RGMA: variants seen among roughly 807,000 people sequenced by gnomAD.
The protein encoded by RGMA is repulsive guidance molecule BMP co-receptor a, also known as repulsive guidance molecule A.
RGMA carries 10 observed loss-of-function variants against 23.2 expected under a neutral mutation model. The observed-to-expected ratio is 0.43, with a 90% CI of 0.27 to 0.73. The LOEUF (loss-of-function observed/expected upper bound fraction) is 0.73, where lower values mean the gene tolerates loss of function less well. Ranked by LOEUF, RGMA falls within the 30% of genes least tolerant of loss-of-function variation. The pLI is 0.20. For missense variants in RGMA, 547 were observed against 630.5 expected (o/e 0.87, Z 1.42); for synonymous variants, 308 against 279.3 (o/e 1.10, Z -1.03).
At chr15:93,061,496 G>C (rs1894961649) in intron 2 of RGMA, among the ~76,000 whole-genome samples, 2 of 152,218 alleles carry the variant, frequency 1.3e-5, no homozygotes, top group Non-Finnish European at 1.5e-5. Flanking sequence ...CCAGGACCCT[G>C]TGCCCGGGAG....
intron 1 of RGMA, among the ~76,000 whole-genome samples, chr15:93,077,548 T>C (rs1321578345): frequency 6.6e-6 from 1 of 152,224 alleles, no homozygotes. Context: ...AAAATGGTGA[T>C]TGCAAGTGAC....
chr15:93,078,621 T>C lies in RGMA; in HGVS notation c.15-5590A>G, dbSNP rs536440374. Among the ~76,000 whole-genome samples the C allele has an allele frequency of 5.3e-5, 8 of 152,358 alleles. No homozygotes were observed. The East Asian group carries it at 1.5e-3, about 29-fold the overall frequency. On this transcript the variant is annotated intron_variant, in intron 1 of 3. Coordinates refer to ENST00000329082, the MANE Select transcript of RGMA (RefSeq NM_020211.3). Reference sequence around the variant, plus strand: ...TGATCATATCGCCTTTCTGGCTTCATCTTTCCACACTAAAACCCTTAAGGT... The same window carrying C: ...TGATCATATCGCCTTTCTGGCTTCACCTTTCCACACTAAAACCCTTAAGGT...
chr15:93,072,104 C>T (rs1365022712), intron 2 of RGMA, among the ~76,000 whole-genome samples: 1 of 152,022 alleles, frequency 6.6e-6, no homozygotes, highest in East Asian at 1.9e-4. Context: ...GCATGCCTCC[C>T]CCCTCCCCCC....
At chr15:93,054,764 T>C (rs533793938) in intron 2 of RGMA, among the ~76,000 whole-genome samples, 1 of 152,184 alleles carries the variant, frequency 6.6e-6, no homozygotes, top group Non-Finnish European at 1.5e-5. Flanking sequence ...GATGCCCCCA[T>C]GTAGTCTTCC....
At position 93,052,352 on chromosome 15, in the gene RGMA, C is replaced by T. The variant is rs1191351472; in HGVS notation, c.286G>A (p.Asp96Asn). 5.6e-6 allele frequency: 9 copies of T among 1,601,354 alleles called. No homozygotes were observed. In the African/African-American group the frequency reaches 6.7e-5, roughly 12 times the overall value. ...TGGACGGCCGAGTGGTAGGCCAGGT[C>T]ACCCCGGCAGGTGCGGGCCGTCCGC... ...TRRTARTCRG[D>N]LAYHSAVHGI... Residue 96 changes from aspartate (D) to asparagine (N), a missense_variant, in exon 3 of 4, where the codon GAC becomes AAC. Transcript: ENST00000329082.
chr15:93,080,624 C>G (rs746227717), intron 1 of RGMA, among the ~76,000 whole-genome samples: 9 of 152,222 alleles, frequency 5.9e-5, no homozygotes, highest in Non-Finnish European at 1.2e-4. Flanking sequence ...CAACGACTCC[C>G]TCTGTGCTCC....
At chr15:93,074,559 C>T (rs1163702334) in intron 1 of RGMA, among the ~76,000 whole-genome samples, 9 of 152,240 alleles carry the variant, frequency 5.9e-5, no homozygotes, top group East Asian at 1.9e-4. Flanking sequence ...CTCTTCTTTA[C>T]GAGGGGGTGT....
chr15:93,066,600 A>G (rs1895162269), intron 2 of RGMA: 1 of 456,550 alleles, frequency 2.2e-6, no homozygotes, highest in South Asian at 1.6e-5. Flanking sequence ...CACCCCGGGC[A>G]TCGTCGCCGT....
intron 1 of RGMA, among the ~76,000 whole-genome samples, chr15:93,075,693 CGGAAGAGGCCCCAGGCCATG>C (rs1450814528): frequency 1.3e-5 from 2 of 152,144 alleles, no homozygotes; most frequent in African/African-American, 2.4e-5. Context: ...GAATAGAACT[CGGAAGAGGCCCCAGGCCATG>C]GGAGTTCCAG....
At chr15:93,056,196 A>G (rs2055010290) in intron 2 of RGMA, among the ~76,000 whole-genome samples, 1 of 152,220 alleles carries the variant, frequency 6.6e-6, no homozygotes, top group Non-Finnish European at 1.5e-5. Context: ...CAACGGTCAC[A>G]GAAGCCAAGC....
intron 2 of RGMA, among the ~76,000 whole-genome samples, chr15:93,059,728 G>A (rs1328241330): frequency 2.6e-5 from 4 of 152,156 alleles, no homozygotes; most frequent in Non-Finnish European, 1.5e-5. Flanking sequence ...ACCAACTGCA[G>A]CCCCCCACCA....
chr15:93,073,049 A>AC lies in RGMA; in HGVS notation c.15-19_15-18insG. 6.7e-7 allele frequency: 1 copy of AC among 1,498,926 alleles called. No homozygotes were observed. The highest frequency in any genetic ancestry group is 1.2e-5 in the South Asian group (1 of 81,298). The allele number at this position is 1,498,926 out of a possible 1,614,324, so 92.9% of individuals were successfully genotyped here. A position where few individuals can be genotyped will look rare whatever the true frequency, so the allele number is the denominator to read the frequency against. The stretch of plus-strand genomic sequence containing the variant: ...GCCTCTCCCTGGAAGAAGAGTTCAG[A>AC]AAAAAAGAAGAAAATAAATCACGCT... On this transcript the variant is annotated intron_variant, in intron 1 of 3. Transcript: ENST00000329082.
chr15:93,050,670 C>CG, intron 3 of RGMA, among the ~76,000 whole-genome samples: 1 of 152,230 alleles, frequency 6.6e-6, no homozygotes, highest in Admixed American at 6.5e-5. Flanking sequence ...AAATCCTCCC[C>CG]GGTGCGTGGC....
Position 93,045,620 on chromosome 15 carries a change from A to G in RGMA, c.731T>C (p.Val244Ala). Residue 244 changes from valine (V) to alanine (A), a missense_variant, in exon 4 of 4, where the codon GTG becomes GCG. Val to Ala is a moderately conservative substitution (Grantham distance 64, BLOSUM62 0). This residue lies in a region of RGMA where 128 missense variants were observed against 191.7 expected (regional missense o/e 0.67). Coordinates refer to ENST00000329082, the MANE Select transcript of RGMA (RefSeq NM_020211.3). The surrounding 1 kb of genome is among the most constrained non-coding windows in gnomAD (Gnocchi z 6.9). ...AEMDELPAAFVDGSKNGGDKH... is the reference protein window; with the variant it reads ...AEMDELPAAFADGSKNGGDKH... Reference sequence around the variant, plus strand: ...GTCCCCACCGTTCTTAGAGCCATCCACGAAGGCGGCCGGGAGCTCGTCCAT... The same window carrying G: ...GTCCCCACCGTTCTTAGAGCCATCCGCGAAGGCGGCCGGGAGCTCGTCCAT... The G allele has an allele frequency of 1.2e-6, 2 of 1,613,050 alleles. No homozygotes were observed. The highest frequency in any genetic ancestry group is 1.1e-5 in the South Asian group (1 of 91,086).
chr15:93,051,184 T>C (rs2054912637), intron 3 of RGMA, among the ~76,000 whole-genome samples: 1 of 152,156 alleles, frequency 6.6e-6, no homozygotes, highest in African/African-American at 2.4e-5. Flanking sequence ...GATGGAGCAT[T>C]TCCTTGGCTG....
In RGMA at chr15:93,052,242, G is replaced by A. The variant is rs368386612; in HGVS notation, c.396C>T (p.Ala132=). ...TGTCCGAGCGCTCCTGGCTGTCTCC[G>A]GCCGGTGGGAGCGTGCGCAGGCGTG... is the stretch of plus-strand genomic sequence containing the variant. ...SQPRLRTLPP[A]GDSQERSDSP... is the part of the protein sequence containing the mutation. Residue 132 remains alanine, a synonymous_variant, in exon 3 of 4, where the codon GCC becomes GCT. Transcript: ENST00000329082. 1.9e-4 allele frequency: 306 copies of A among 1,606,768 alleles called. No homozygotes were observed. Among genetic ancestry groups the A allele is most frequent in the Non-Finnish European group, 2.4e-4 (277 of 1,175,486 alleles).
chr15:93,083,509 A>G (rs1336040053), intron 1 of RGMA, among the ~76,000 whole-genome samples: 1 of 152,098 alleles, frequency 6.6e-6, no homozygotes, highest in African/African-American at 2.4e-5. Flanking sequence ...TGTATTTTTT[A>G]GCAGAGACCG....
chr15:93,045,740 G>T lies in RGMA; in HGVS notation c.646-35C>A. 6.7e-7 allele frequency: 1 copy of T among 1,494,382 alleles called. No individual in the cohort carries two copies. The highest frequency in any genetic ancestry group is 2.3e-5 in the East Asian group (1 of 44,278). The allele number at this position is 1,494,382 out of a possible 1,614,324, so 92.6% of individuals were successfully genotyped here. ...AAAGGGGCAGAGGAGAGTGGGTGAG[G>T]CACAGTGGGAGGAGGCACAGCCCCA... is the stretch of plus-strand genomic sequence containing the variant. On this transcript the variant is annotated intron_variant, in intron 3 of 3. Coordinates refer to ENST00000329082, the MANE Select transcript of RGMA (RefSeq NM_020211.3). This position sits in a 1 kb window ranked among gnomAD's most constrained non-coding sequence, Gnocchi z 6.9.
chr15:93,046,963 C>T (rs553669425), intron 3 of RGMA, among the ~76,000 whole-genome samples: 22 of 152,220 alleles, frequency 1.4e-4, no homozygotes, highest in Middle Eastern at 3.4e-3. Flanking sequence ...CTAAGCACTG[C>T]ATGTATTACT....
Sources: gnomAD v4.1 joint callset for allele counts (sites outside exome capture counted in the v4.1 genomes callset) on GRCh38, gnomAD v4.1.1 for gene constraint, gnomAD v4.1.1 regional missense constraint, Gnocchi (gnomAD v3.1) non-coding constraint, MANE v1.5 for transcripts, NCBI Gene and HGNC (gene_info 2026-07-23, HGNC 2026-07-21) for gene names.